DPYSL4: variants seen among roughly 807,000 people sequenced by gnomAD.
DPYSL4 encodes the protein dihydropyrimidinase-related protein 4.
DPYSL4 carries 43 observed loss-of-function variants against 63.4 expected under a neutral mutation model. The ratio of observed to expected loss-of-function variants is 0.68; its 90% CI spans 0.53 to 0.88. The LOEUF (loss-of-function observed/expected upper bound fraction) is 0.88. DPYSL4 is among the 40% of genes least tolerant of loss of function. The pLI is 0.00. For missense variants in DPYSL4, 733 were observed against 819.5 expected (o/e 0.89, Z 1.29); for synonymous variants, 353 against 331.7 (o/e 1.06, Z -0.70).
At position 132,188,110 on chromosome 10, in the gene DPYSL4, G is replaced by A. The variant is rs936647213; in HGVS notation, c.39+1008G>A. On this transcript the variant is annotated intron_variant, in intron 1 of 13. Transcript: ENST00000338492. Reference sequence around the variant, plus strand: ...CTGCCCGGCTGGGTCTGGTCTTGATGCAGGAGGTCTTGCCAGTCAGCTGGC... The same window carrying A: ...CTGCCCGGCTGGGTCTGGTCTTGATACAGGAGGTCTTGCCAGTCAGCTGGC... Among the ~76,000 whole-genome samples the A allele has an allele frequency of 7.9e-5, 12 of 152,188 alleles. No individual in the cohort carries two copies. In the South Asian group the frequency reaches 1.9e-3, roughly 24 times the overall value.
At chr10:132,201,471 TC>T (rs1350395218) in intron 10 of DPYSL4, among the ~76,000 whole-genome samples, 1 of 152,168 alleles carries the variant, frequency 6.6e-6, no homozygotes. Context: ...CCACTGAAGC[TC>T]CACTCTCGCT....
At chr10:132,204,718 TG>T in intron 13 of DPYSL4, 120 bp from the exon 14 acceptor site, 2 of 747,812 alleles carry the variant, frequency 2.7e-6, no homozygotes, top group Non-Finnish European at 4.0e-6. Flanking sequence ...TGGTGGCAGG[TG>T]TGCGGGGGCT....
At chr10:132,202,507 C>G in intron 11 of DPYSL4, 139 bp from the exon 12 acceptor site, 1 of 1,137,536 alleles carries the variant, frequency 8.8e-7, no homozygotes, top group South Asian at 1.6e-5. Flanking sequence ...CCCTCAGTTC[C>G]AGCATCTTGC....
At position 132,190,804 on chromosome 10, in the gene DPYSL4, G is replaced by T. The variant is rs371388070; in HGVS notation, c.97G>T (p.Ala33Ser). The T allele has an allele frequency of 6.2e-7, 1 of 1,613,710 alleles. No individual in the cohort carries two copies. The highest frequency in any genetic ancestry group is 1.3e-5 in the African/African-American group (1 of 75,078). ...RIVNDDQSFYADVHVEDGLIK... is the reference protein window; with the variant it reads ...RIVNDDQSFYSDVHVEDGLIK... Reference sequence around the variant, plus strand: ...CGTGAATGACGACCAGTCCTTTTACGCTGATGTGCACGTGGAAGATGGCTT... The same window carrying T: ...CGTGAATGACGACCAGTCCTTTTACTCTGATGTGCACGTGGAAGATGGCTT... Residue 33 changes from alanine to serine, a missense_variant, in exon 2 of 14, where the codon GCT becomes TCT. Transcript: ENST00000338492.
Position 132,194,985 on chromosome 10 carries a change from C to G in DPYSL4, c.454C>G (p.Leu152Val), listed in dbSNP as rs773234805. Residue 152 changes from leucine to valine, a missense_variant, in exon 4 of 14, where the codon CTG becomes GTG. Coordinates refer to ENST00000338492, the MANE Select transcript of DPYSL4 (RefSeq NM_006426.3). Reference sequence around the variant, plus strand: ...ATGGCATGAGAGCATCAAGGAGGAGCTGGAGGCCCTGGTCAAGGAGAAGGG... The same window carrying G: ...ATGGCATGAGAGCATCAAGGAGGAGGTGGAGGCCCTGGTCAAGGAGAAGGG... Reference protein sequence around the residue: ...TRWHESIKEELEALVKEKGVN... With the variant: ...TRWHESIKEEVEALVKEKGVN... The G allele has an allele frequency of 1.0e-5, 16 of 1,606,276 alleles. No homozygotes were observed. Among genetic ancestry groups the G allele is most frequent in the Non-Finnish European group, 1.3e-5 (15 of 1,179,706 alleles).
chr10:132,205,639 T>G lies in DPYSL4; in HGVS notation c.*709T>G, dbSNP rs765072208. On this transcript the variant is annotated 3_prime_UTR_variant, in exon 14 of 14. Transcript: ENST00000338492. Reference sequence around the variant, plus strand: ...TTGTGTATTTCCGTAGGCTTCTTAGTAGCAGCTTTGTACACTGAGGACACT... The same window carrying G: ...TTGTGTATTTCCGTAGGCTTCTTAGGAGCAGCTTTGTACACTGAGGACACT... 3 of 152,312 alleles carry G rather than the reference T, an allele frequency of 2.0e-5. No individual in the cohort carries two copies. The highest frequency in any genetic ancestry group is 2.9e-5 in the Non-Finnish European group (2 of 68,060). 9.4% of individuals were successfully genotyped at this position (152,312 alleles called of 1,614,324 possible). A position where few individuals can be genotyped will look rare whatever the true frequency, so the allele number is the denominator to read the frequency against.
intron 1 of DPYSL4, among the ~76,000 whole-genome samples, chr10:132,189,236 C>T (rs527896337): frequency 6.6e-6 from 1 of 152,362 alleles, no homozygotes; most frequent in South Asian, 2.1e-4. Flanking sequence ...CGTGCTGAGG[C>T]GCACGCCAGA....
chr10:132,190,244 G>T (rs1037786817), intron 1 of DPYSL4, among the ~76,000 whole-genome samples: 2 of 152,248 alleles, frequency 1.3e-5, no homozygotes, highest in African/African-American at 2.4e-5. Context: ...ATGCCTGTGG[G>T]GGCGCTGTCT....
rs115200472 is a variant in DPYSL4 at position 132,205,017 on chromosome 10, C to T, written c.*87C>T. 0.013 allele frequency: 15,159 copies of T among 1,130,750 alleles called. 537 individuals are homozygous for T. Among genetic ancestry groups the T allele is most frequent in the South Asian group, 0.097 (5,645 of 58,192 alleles). The allele number at this position is 1,130,750 out of a possible 1,614,324, so 70.0% of individuals were successfully genotyped here. ...CACTCGCCCCCCTCCTTAGCATTTT[C>T]TTTTGTAGAAGTTTCTCGAAGGTGC... is the stretch of plus-strand genomic sequence containing the variant. On this transcript the variant is annotated 3_prime_UTR_variant, in exon 14 of 14. Coordinates refer to ENST00000338492, the MANE Select transcript of DPYSL4 (RefSeq NM_006426.3).
chr10:132,196,836 C>T, intron 4 of DPYSL4, 25 bp from the exon 5 acceptor site: 1 of 1,613,182 alleles, frequency 6.2e-7, no homozygotes, highest in Non-Finnish European at 8.5e-7. Context: ...GATGGCTGAG[C>T]CTCTGACCCC....
Position 132,205,073 on chromosome 10 carries a change from G to A in DPYSL4, c.*143G>A. 2 of 590,040 alleles carry A rather than the reference G, an allele frequency of 3.4e-6. No homozygotes were observed. Among genetic ancestry groups the A allele is most frequent in the Non-Finnish European group, 5.6e-6 (2 of 357,000 alleles). 36.6% of individuals were successfully genotyped at this position (590,040 alleles called of 1,614,324 possible). ...GGTCTTGCCTTCCCCCTCCCCACAGGCTCTCCTTGTGGGGTCCCAGGTCCT... is the reference window on the plus strand; with the variant it reads ...GGTCTTGCCTTCCCCCTCCCCACAGACTCTCCTTGTGGGGTCCCAGGTCCT... On this transcript the variant is annotated 3_prime_UTR_variant, in exon 14 of 14. Coordinates refer to ENST00000338492, the MANE Select transcript of DPYSL4 (RefSeq NM_006426.3).
In DPYSL4 at chr10:132,200,931, A is replaced by G; in HGVS notation, c.1058A>G (p.Glu353Gly). ...AAGGACAACTTCGCGCTGATCCCCGAGGGCACCAACGGCATTGAGGAGCGC... is the reference window on the plus strand; with the variant it reads ...AAGGACAACTTCGCGCTGATCCCCGGGGGCACCAACGGCATTGAGGAGCGC... ...VGKDNFALIP[E>G]GTNGIEERMS... Residue 353 changes from glutamate to glycine, a missense_variant, in exon 10 of 14, where the codon GAG becomes GGG. Transcript: ENST00000338492. The G allele has an allele frequency of 8.7e-6, 14 of 1,613,270 alleles. No individual in the cohort carries two copies. The highest frequency in any genetic ancestry group is 1.2e-5 in the Non-Finnish European group (14 of 1,179,954).
At chr10:132,193,849 A>G (rs893789826) in intron 3 of DPYSL4, among the ~76,000 whole-genome samples, 8 of 152,240 alleles carry the variant, frequency 5.3e-5, no homozygotes, top group Non-Finnish European at 1.0e-4. Flanking sequence ...CTCGCGGGAC[A>G]TTTAGCCATT....
At position 132,198,453 on chromosome 10, in the gene DPYSL4, C is replaced by T. The variant is rs781178360; in HGVS notation, c.660C>T (p.Pro220=). The T allele has an allele frequency of 4.1e-5, 66 of 1,606,558 alleles. No individual in the cohort carries two copies. Among genetic ancestry groups the T allele is most frequent in the South Asian group, 8.9e-5 (8 of 89,806 alleles). The change falls in exon 7 of 14, where the codon CCC becomes CCT. Residue 220 remains proline, a synonymous_variant. Coordinates refer to ENST00000338492, the MANE Select transcript of DPYSL4 (RefSeq NM_006426.3). Reference sequence around the variant, plus strand: ...TGCTGGAGCTCGGCATCACTGGCCCCGAGGGCCACGTGCTCAGCCACCCCG... The same window carrying T: ...TGCTGGAGCTCGGCATCACTGGCCCTGAGGGCCACGTGCTCAGCCACCCCG... ...KRLLELGITG[P]EGHVLSHPEE... is the part of the protein sequence containing the mutation.
chr10:132,205,198 C>T lies in DPYSL4; in HGVS notation c.*268C>T, dbSNP rs529475674. 12 of 310,532 alleles carry T rather than the reference C, an allele frequency of 3.9e-5. No individual in the cohort carries two copies. Among genetic ancestry groups the T allele is most frequent in the African/African-American group, 1.3e-4 (6 of 46,624 alleles). The allele number at this position is 310,532 out of a possible 1,614,324, so 19.2% of individuals were successfully genotyped here. A position where few individuals can be genotyped will look rare whatever the true frequency, so the allele number is the denominator to read the frequency against. On this transcript the variant is annotated 3_prime_UTR_variant, in exon 14 of 14. Coordinates refer to ENST00000338492, the MANE Select transcript of DPYSL4 (RefSeq NM_006426.3). The stretch of plus-strand genomic sequence containing the variant: ...CAGGGACAATGCCGGCAGCCTGAGC[C>T]CAGGCACCCCAGTGCCCGCTGGGCC...
intron 13 of DPYSL4, 59 bp downstream of exon 13, chr10:132,203,986 T>TCAGGTAC: frequency 1.3e-6 from 2 of 1,543,822 alleles, no homozygotes; most frequent in Non-Finnish European, 1.8e-6. Flanking sequence ...ATCCAGGGCC[T>TCAGGTAC]CAGGTACCAG....
At chr10:132,196,520 C>T (rs1215721313) in intron 4 of DPYSL4, among the ~76,000 whole-genome samples, 1 of 152,224 alleles carries the variant, frequency 6.6e-6, no homozygotes, top group Non-Finnish European at 1.5e-5. Flanking sequence ...GGAACCCAGG[C>T]CGAGAGCCCA....
rs150208300 is a variant in DPYSL4, at chr10:132,187,132, C to T, written c.39+30C>T. The T allele has an allele frequency of 1.7e-3, 2,614 of 1,511,820 alleles. 49 individuals are homozygous for T. The African/African-American group carries it at 0.031, about 18-fold the overall frequency. The allele number at this position is 1,511,820 out of a possible 1,614,324, so 93.7% of individuals were successfully genotyped here. A position where few individuals can be genotyped will look rare whatever the true frequency, so the allele number is the denominator to read the frequency against. On this transcript the variant is annotated intron_variant, in intron 1 of 13. Coordinates refer to ENST00000338492, the MANE Select transcript of DPYSL4 (RefSeq NM_006426.3). ...GCCCGGTCCCGCTTCGCCCGGCGCC[C>T]CCTGCCCGCCGCCCGGAGTGGGGCC...
intron 3 of DPYSL4, among the ~76,000 whole-genome samples, chr10:132,194,620 CA>C (rs2061917843): frequency 6.6e-6 from 1 of 152,210 alleles, no homozygotes; most frequent in African/African-American, 2.4e-5. Flanking sequence ...CTTCTGTGCT[CA>C]GAGGGTGGCT....
Sources: gnomAD v4.1 joint callset for allele counts (sites outside exome capture counted in the v4.1 genomes callset) on GRCh38, gnomAD v4.1.1 for gene constraint, MANE v1.5 for transcripts, NCBI Gene and HGNC (gene_info 2026-07-23, HGNC 2026-07-21) for gene names.